Variants in SPECC1 observed in about 807,000 individuals in gnomAD.
SPECC1 encodes the protein sperm antigen with calponin homology and coiled-coil domains 1, also known as cytospin-B.
A neutral mutation model predicts 104.1 loss-of-function variants in SPECC1; 62 were observed. The observed-to-expected ratio is 0.60, with a 90% CI of 0.49 to 0.74. SPECC1 has a LOEUF of 0.74. Among genes scored for constraint, SPECC1 ranks in the 30% least tolerant of loss-of-function variants. The pLI is 0.00. For missense variants in SPECC1, 1,306 were observed against 1,310.5 expected, an observed-to-expected ratio of 1.00 and a Z score of 0.05; for synonymous variants, 513 against 501.6, an observed-to-expected ratio of 1.02 and a Z score of -0.30.
intron 7 of SPECC1, chr17:20,238,751 AAAC>A: frequency 5.7e-6 from 6 of 1,043,564 alleles, no homozygotes; most frequent in Non-Finnish European, 6.9e-6. Context: ...TTTCAAGTAT[AAAC>A]AATAAGAAAA....
chr17:20,047,373 C>G (rs1044716814), intron 1 of SPECC1, among the ~76,000 whole-genome samples: 8 of 152,188 alleles, frequency 5.3e-5, no homozygotes, highest in Admixed American at 2.0e-4. Flanking sequence ...TCACCCACTT[C>G]TTTCTCTGTG....
chr17:20,301,612 T>C (rs2041586202), intron 13 of SPECC1, among the ~76,000 whole-genome samples: 1 of 152,190 alleles, frequency 6.6e-6, no homozygotes, highest in African/African-American at 2.4e-5. Flanking sequence ...AGAGAATTTC[T>C]GATAAAAACT....
chr17:20,021,060 T>A (rs773210860), intron 1 of SPECC1, among the ~76,000 whole-genome samples: 2 of 152,166 alleles, frequency 1.3e-5, no homozygotes, highest in Non-Finnish European at 2.9e-5. Flanking sequence ...AAGCTAGAGA[T>A]AAAGAAAATC....
intron 3 of SPECC1, among the ~76,000 whole-genome samples, chr17:20,191,215 A>G (rs950742170): frequency 6.6e-6 from 1 of 152,120 alleles, no homozygotes; most frequent in African/African-American, 2.4e-5. Context: ...GTGTGGACAT[A>G]TGTTTTTGAC....
At chr17:20,285,045 C>T (rs150688566) in intron 12 of SPECC1, among the ~76,000 whole-genome samples, 2 of 152,290 alleles carry the variant, frequency 1.3e-5, no homozygotes, top group Admixed American at 6.5e-5. Flanking sequence ...GCTGTGTCCT[C>T]GATTGAATTT....
At chr17:20,228,968 G>A (rs1292441162) in intron 5 of SPECC1, among the ~76,000 whole-genome samples, 3 of 152,096 alleles carry the variant, frequency 2.0e-5, no homozygotes, top group Admixed American at 6.5e-5. Flanking sequence ...CTTATTCACA[G>A]ATTTCACATT....
chr17:20,259,942 CAAATGG>C (rs2039968266), intron 11 of SPECC1, among the ~76,000 whole-genome samples: 1 of 152,080 alleles, frequency 6.6e-6, no homozygotes, highest in South Asian at 2.1e-4. Flanking sequence ...GGATGAGCAA[CAAATGG>C]ATTTGAAAAC....
At chr17:20,193,516 A>G (rs1218791874) in intron 3 of SPECC1, among the ~76,000 whole-genome samples, 1 of 151,326 alleles carries the variant, frequency 6.6e-6, no homozygotes, top group Non-Finnish European at 1.5e-5. Flanking sequence ...AGAGGTGATG[A>G]TATTCCTGCC....
rs141920460 is a variant in SPECC1 at position 20,256,401 on chromosome 17, G to A, written c.2681-1050G>A. Among the ~76,000 whole-genome samples, 1,226 of 152,278 alleles carry A rather than the reference G, an allele frequency of 8.1e-3. 12 individuals carry two copies. Among genetic ancestry groups the A allele is most frequent in the Non-Finnish European group, 0.012 (811 of 68,026 alleles). On this transcript the variant is annotated intron_variant, in intron 10 of 14. Transcript: ENST00000395527. The stretch of plus-strand genomic sequence containing the variant: ...CTTGTCAACACTGAGGTCATTGGAA[G>A]CTGCAGAAACCAAAGATTAATGTGC...
intron 4 of SPECC1, among the ~76,000 whole-genome samples, chr17:20,212,390 A>G (rs1477191581): frequency 6.6e-6 from 1 of 152,230 alleles, no homozygotes; most frequent in African/African-American, 2.4e-5. Context: ...CTGGAAAGAA[A>G]AAAAGGATTA....
At chr17:20,224,936 C>T (rs1474760261) in intron 4 of SPECC1, among the ~76,000 whole-genome samples, 2 of 152,070 alleles carry the variant, frequency 1.3e-5, no homozygotes, top group Non-Finnish European at 2.9e-5. Context: ...AGTGTGTGGC[C>T]CATGATGAGT....
intron 12 of SPECC1, among the ~76,000 whole-genome samples, chr17:20,276,111 CCTTT>C (rs2040565984): frequency 6.6e-6 from 1 of 151,816 alleles, no homozygotes; most frequent in African/African-American, 2.4e-5. Context: ...TACTTTCTTT[CCTTT>C]CTTCTCTTTT....
At chr17:20,065,127 T>C (rs1350254832) in intron 1 of SPECC1, among the ~76,000 whole-genome samples, 1 of 152,132 alleles carries the variant, frequency 6.6e-6, no homozygotes, top group African/African-American at 2.4e-5. Context: ...TCAAACTGGG[T>C]TTTTCCTCTG....
At chr17:20,297,170 A>G in intron 13 of SPECC1, 93 bp downstream of exon 13, 1 of 1,066,682 alleles carries the variant, frequency 9.4e-7, no homozygotes, top group Non-Finnish European at 1.4e-6. Context: ...TACAGGCCTG[A>G]AGTAGAAGTT....
At chr17:20,232,849 GC>G (rs1229350236) in intron 7 of SPECC1, among the ~76,000 whole-genome samples, 1 of 152,206 alleles carries the variant, frequency 6.6e-6, no homozygotes, top group African/African-American at 2.4e-5. Context: ...CCAAGGATGT[GC>G]CTGCTTATTG....
At chr17:20,252,717 A>G (rs189855563) in intron 9 of SPECC1, among the ~76,000 whole-genome samples, 88 of 152,312 alleles carry the variant, frequency 5.8e-4, no homozygotes, top group South Asian at 1.5e-3. Flanking sequence ...TTAAGGCTGA[A>G]TAATATTCCA....
At chr17:20,257,408 G>A (rs746710173) in intron 10 of SPECC1, 43 bp from the exon 11 acceptor site, 7 of 1,534,392 alleles carry the variant, frequency 4.6e-6, no homozygotes, top group African/African-American at 1.4e-5. Context: ...GCAGTCAAGA[G>A]CTGCTTCTTT....
chr17:20,212,718 T>C (rs1399805897), intron 4 of SPECC1, among the ~76,000 whole-genome samples: 3 of 152,230 alleles, frequency 2.0e-5, no homozygotes, highest in African/African-American at 7.2e-5. Flanking sequence ...TATTTCCTTT[T>C]AAACTATATG....
At chr17:20,273,962 G>A (rs1017212937) in intron 12 of SPECC1, among the ~76,000 whole-genome samples, 1 of 152,066 alleles carries the variant, frequency 6.6e-6, no homozygotes, top group Admixed American at 6.5e-5. Flanking sequence ...GAATGCATGC[G>A]TTTCATTGCC....
Sources: gnomAD v4.1 joint callset for allele counts (sites outside exome capture counted in the v4.1 genomes callset) on GRCh38, gnomAD v4.1.1 for gene constraint, MANE v1.5 for transcripts, NCBI Gene and HGNC (gene_info 2026-07-23, HGNC 2026-07-21) for gene names.